CAST: variants seen among roughly 807,000 people sequenced by gnomAD.
The protein encoded by CAST is MIR583 host.
Under a neutral mutation model 119.6 loss-of-function variants are expected in CAST, and 76 were observed. That is an observed-to-expected ratio of 0.64 (90% confidence interval 0.53 to 0.77). The LOEUF is 0.77. Among genes scored for constraint, CAST ranks in the 30% least tolerant of loss-of-function variants. The probability of loss-of-function intolerance (pLI) is 0.00; values close to 1 mark genes in which losing one functional copy is unlikely to be tolerated. For missense variants in CAST, 953 were observed against 946.5 expected, an observed-to-expected ratio of 1.01 and a Z score of -0.09; for synonymous variants, 319 against 331.6, an observed-to-expected ratio of 0.96 and a Z score of 0.41.
chr5:96,028,878 T>C, the CAST span, among the ~76,000 whole-genome samples: 2 of 152,160 alleles, frequency 1.3e-5, no homozygotes, highest in East Asian at 3.9e-4. Context: ...ATTTAAAAAA[T>C]TGTTTAGAGT....
the CAST span, among the ~76,000 whole-genome samples, chr5:95,984,598 C>T: frequency 3.3e-5 from 5 of 152,158 alleles, no homozygotes; most frequent in Admixed American, 3.3e-4. Flanking sequence ...CACTTTGTTG[C>T]TGATAATTAG....
chr5:96,041,558 C>T, the CAST span, among the ~76,000 whole-genome samples: 1 of 151,882 alleles, frequency 6.6e-6, no homozygotes, highest in East Asian at 1.9e-4. Flanking sequence ...CTACTGTGGA[C>T]CTTAGTTATT....
the CAST span, among the ~76,000 whole-genome samples, chr5:96,255,757 T>C: frequency 6.6e-6 from 1 of 152,140 alleles, no homozygotes; most frequent in African/African-American, 2.4e-5. Context: ...GACTGTGGCT[T>C]GATTCTCACA....
chr5:96,105,272 GT>G, the CAST span, among the ~76,000 whole-genome samples: 5 of 152,300 alleles, frequency 3.3e-5, no homozygotes, highest in South Asian at 1.0e-3. Context: ...CCAACACTAT[GT>G]TGAATAGGAG....
chr5:96,739,993 G>A, intron 11 of CAST, 45 bp from the exon 12 acceptor site: 1 of 884,134 alleles, frequency 1.1e-6, no homozygotes. Context: ...AGCATTGTCA[G>A]GTAATTAATT....
the CAST span, among the ~76,000 whole-genome samples, chr5:96,132,000 G>T: frequency 2.0e-5 from 3 of 152,250 alleles, no homozygotes; most frequent in South Asian, 6.2e-4. Context: ...AATGGAAAAT[G>T]TAGTAGAACA....
the CAST span, among the ~76,000 whole-genome samples, chr5:96,035,073 A>ATATTTAAG: frequency 1.5e-4 from 19 of 130,802 alleles, no homozygotes; most frequent in African/African-American, 6.1e-4. Context: ...ATTTAAGTAT[A>ATATTTAAG]TATATATATA....
intron 1 of CAST, among the ~76,000 whole-genome samples, chr5:96,582,783 C>G (rs978429956): frequency 1.3e-5 from 2 of 152,080 alleles, no homozygotes; most frequent in African/African-American, 4.8e-5. Flanking sequence ...AACCAGAAAA[C>G]ACATTCAATG....
At chr5:96,586,383 A>G (rs1264218741) in intron 1 of CAST, among the ~76,000 whole-genome samples, 1 of 152,348 alleles carries the variant, frequency 6.6e-6, no homozygotes, top group East Asian at 1.9e-4. Flanking sequence ...ATAATTTAAC[A>G]CTGGCAGGTG....
At chr5:96,444,541 T>C in the CAST span, among the ~76,000 whole-genome samples, 1 of 117,114 alleles carries the variant, frequency 8.5e-6, no homozygotes, top group African/African-American at 4.1e-5. Flanking sequence ...CTTTATCTTA[T>C]TTACTTTTTT....
chr5:96,574,284 C>T (rs186553763), intron 1 of CAST, among the ~76,000 whole-genome samples: 1,500 of 94,578 alleles, frequency 0.016, 631 homozygotes, highest in Middle Eastern at 0.057. Flanking sequence ...GTCTCGATCT[C>T]CTGACCTCAT....
the CAST span, among the ~76,000 whole-genome samples, chr5:96,140,543 A>G: frequency 6.6e-6 from 1 of 152,246 alleles, no homozygotes; most frequent in Admixed American, 6.5e-5. Context: ...TTAGAGTTAG[A>G]TAAATGCTCT....
intron 1 of CAST, among the ~76,000 whole-genome samples, chr5:96,671,765 A>C (rs990152813): frequency 6.6e-6 from 1 of 152,128 alleles, no homozygotes; most frequent in African/African-American, 2.4e-5. Context: ...ACTCTCCTCA[A>C]CCCAGCAGTT....
intron 1 of CAST, among the ~76,000 whole-genome samples, chr5:96,654,012 G>A (rs564329734): frequency 1.4e-4 from 19 of 131,322 alleles, no homozygotes; most frequent in African/African-American, 2.0e-4. Flanking sequence ...TCTCCTTATC[G>A]TTTTCTTTTC....
At chr5:96,623,094 G>A (rs569767791) in intron 1 of CAST, among the ~76,000 whole-genome samples, 66 of 152,014 alleles carry the variant, frequency 4.3e-4, no homozygotes, top group African/African-American at 1.5e-3. Flanking sequence ...TCGAACTCCT[G>A]ACCTCGTGAT....
chr5:96,238,349 CTTCATCTT>C, the CAST span, among the ~76,000 whole-genome samples: 5 of 52,704 alleles, frequency 9.5e-5, no homozygotes, highest in African/African-American at 1.6e-4. Flanking sequence ...TCTTCTTCAT[CTTCATCTT>C]CTTCTTCTCC....
the CAST span, among the ~76,000 whole-genome samples, chr5:96,171,555 G>A: frequency 6.6e-6 from 1 of 152,220 alleles, no homozygotes; most frequent in East Asian, 1.9e-4. Context: ...AAACGTGGGT[G>A]AATAATCAGG....
the CAST span, among the ~76,000 whole-genome samples, chr5:96,207,015 C>T: frequency 2.2e-4 from 33 of 151,944 alleles, no homozygotes; most frequent in Non-Finnish European, 4.0e-4. Context: ...AGAGATCTTT[C>T]CTCTCCCTGG....
the CAST span, among the ~76,000 whole-genome samples, chr5:96,063,564 T>G: frequency 2.0e-5 from 3 of 152,160 alleles, no homozygotes; most frequent in African/African-American, 7.2e-5. Flanking sequence ...AAGGAATGCA[T>G]CTGAAGTCAT....
Sources: allele counts gnomAD v4.1 joint callset (sites outside exome capture counted in the v4.1 genomes callset), GRCh38; gene constraint gnomAD v4.1.1; transcripts MANE v1.5; gene names NCBI Gene and HGNC (gene_info 2026-07-23, HGNC 2026-07-21).